ACAA2: variants seen among roughly 807,000 people sequenced by gnomAD.
The protein encoded by ACAA2 is acetyl-CoA acyltransferase 2.
A neutral mutation model predicts 44.8 loss-of-function variants in ACAA2; 35 were observed. That is an observed-to-expected ratio of 0.78 (90% CI 0.60 to 1.04). The LOEUF (loss-of-function observed/expected upper bound fraction) is 1.04, where lower values mean the gene tolerates loss of function less well. Among genes scored for constraint, ACAA2 ranks in the 50% least tolerant of loss-of-function variants. The pLI is 0.00. For synonymous variants in ACAA2, 142 were observed against 166.5 expected (o/e 0.85, Z 1.13); for missense variants, 468 against 482.6 (o/e 0.97, Z 0.28).
intron 1 of ACAA2, among the ~76,000 whole-genome samples, chr18:49,810,163 A>G (rs1417810159): frequency 1.3e-5 from 2 of 152,208 alleles, no homozygotes; most frequent in Non-Finnish European, 2.9e-5. Context: ...AGAAATAATA[A>G]AGAAGAAATT....
At chr18:49,807,076 A>C (rs2143979031) in intron 1 of ACAA2, among the ~76,000 whole-genome samples, 1 of 152,314 alleles carries the variant, frequency 6.6e-6, no homozygotes. Context: ...TACCAAACAA[A>C]ATGAATCCAG....
chr18:49,813,458 G>A lies in ACAA2; in HGVS notation c.16+11C>T. On this transcript the variant is annotated intron_variant, in intron 1 of 9. Transcript: ENST00000285093. ...CGAGGGGCGAGGAGAGGAGGAGGGG[G>A]CTGCGCTCACCTCGGAGCAGAGCCA... 8.1e-7 allele frequency: 1 copy of A among 1,241,730 alleles called. No individual in the cohort carries two copies. Among genetic ancestry groups the A allele is most frequent in the East Asian group, 3.2e-5 (1 of 31,678 alleles). The allele number at this position is 1,241,730 out of a possible 1,614,324, so 76.9% of individuals were successfully genotyped here.
Position 49,785,238 on chromosome 18 carries a change from T to A in ACAA2, c.1068A>T (p.Gly356=). Reference sequence around the variant, plus strand: ...GGTGTGCAGTAATTCTTGATCCAGATCCTCCCAGTGGGTGACCCAAAGCAA... The same window carrying A: ...GGTGTGCAGTAATTCTTGATCCAGAACCTCCCAGTGGGTGACCCAAAGCAA... The part of the protein sequence containing the change: ...GAIALGHPLG[G]SGSRITAHLV... The change falls in exon 9 of 10, where the codon GGA becomes GGT. Residue 356 remains glycine (G), a synonymous_variant. Transcript: ENST00000285093. 6.2e-7 allele frequency: 1 copy of A among 1,614,100 alleles called. No homozygotes were observed. Among genetic ancestry groups the A allele is most frequent in the Non-Finnish European group, 8.5e-7 (1 of 1,180,014 alleles).
chr18:49,812,107 T>C (rs2143987336), intron 1 of ACAA2, among the ~76,000 whole-genome samples: 1 of 152,374 alleles, frequency 6.6e-6, no homozygotes, highest in East Asian at 1.9e-4. Context: ...CGCTGCTTTA[T>C]GAAGTAAATG....
intron 1 of ACAA2, 43 bp from the exon 2 acceptor site, chr18:49,802,896 A>T (rs752472856): frequency 1.3e-6 from 2 of 1,582,436 alleles, no homozygotes; most frequent in East Asian, 4.5e-5. Flanking sequence ...ACAGGTTAGT[A>T]AATACCTCTA....
chr18:49,794,425 C>T lies in ACAA2; in HGVS notation c.432G>A (p.Leu144=), dbSNP rs375055558. ...TTAATGATACCCATAAAGAATCTTC[C>T]AGCTATTAAAAGACATTAATAAAGT... is the stretch of plus-strand genomic sequence containing the variant. ...FGTKLGSDIK[L]EDSLWVSLTD... The change falls in exon 5 of 10, where the codon CTG becomes CTA. Residue 144 remains leucine, a splice_region_variant and synonymous_variant. Coordinates refer to ENST00000285093, the MANE Select transcript of ACAA2 (RefSeq NM_006111.3). 31 of 1,581,478 alleles carry T rather than the reference C, an allele frequency of 2.0e-5. No individual in the cohort carries two copies. The Middle Eastern group carries it at 9.3e-4, about 48-fold the overall frequency.
rs2023278425 is a variant in ACAA2, at chr18:49,782,547, C to CTCAA, written c.*1299_*1300insTTGA. ...TGGGTGACAGAGCAAGATGCTATCT[C>CTCAA]AAAAAAAAAAAAAAAAGGCCGGGTG... On this transcript the variant is annotated 3_prime_UTR_variant, in exon 10 of 10. Coordinates refer to ENST00000285093, the MANE Select transcript of ACAA2 (RefSeq NM_006111.3). The CTCAA allele has an allele frequency of 2.4e-5, 3 of 124,886 alleles. No individual in the cohort carries two copies. Among genetic ancestry groups the CTCAA allele is most frequent in the African/African-American group, 6.1e-5 (2 of 32,938 alleles). The allele number at this position is 124,886 out of a possible 1,614,324, so 7.7% of individuals were successfully genotyped here.
At chr18:49,798,335 A>T (rs577263884) in intron 2 of ACAA2, among the ~76,000 whole-genome samples, 13 of 152,290 alleles carry the variant, frequency 8.5e-5, no homozygotes, top group African/African-American at 3.1e-4. Context: ...TAAAATGCAT[A>T]TGGGGGCGTC....
At chr18:49,793,287 C>T (rs2023427379) in intron 5 of ACAA2, among the ~76,000 whole-genome samples, 1 of 152,188 alleles carries the variant, frequency 6.6e-6, no homozygotes, top group Non-Finnish European at 1.5e-5. Flanking sequence ...AGGAATAATA[C>T]TAACCTTAAT....
chr18:49,800,143 CGGCCGGCCAGCCACCCCG>C (rs2023524022), intron 2 of ACAA2, among the ~76,000 whole-genome samples: 1 of 32,146 alleles, frequency 3.1e-5, no homozygotes, highest in East Asian at 7.9e-4. Flanking sequence ...GGTCAGCCCC[CGGCCGGCCAGCCACCCCG>C]TCTGGGAGGG....
intron 7 of ACAA2, among the ~76,000 whole-genome samples, chr18:49,790,955 AT>A (rs1382727745): frequency 6.6e-6 from 1 of 152,172 alleles, no homozygotes; most frequent in East Asian, 1.9e-4. Context: ...TCACTTACTG[AT>A]TTGGAACCTT....
intron 9 of ACAA2, 114 bp from the exon 10 acceptor site, chr18:49,784,045 C>A: frequency 2.4e-6 from 2 of 834,224 alleles, no homozygotes; most frequent in East Asian, 2.7e-5. Context: ...TCTGCTCAAT[C>A]TTTTCCCCAG....
At chr18:49,803,658 A>G (rs1352231106) in intron 1 of ACAA2, among the ~76,000 whole-genome samples, 1 of 152,222 alleles carries the variant, frequency 6.6e-6, no homozygotes, top group African/African-American at 2.4e-5. Flanking sequence ...TGCTAGAAAC[A>G]TATGTTGAGA....
intron 7 of ACAA2, among the ~76,000 whole-genome samples, chr18:49,790,844 TGAGC>T (rs2023389615): frequency 6.6e-6 from 1 of 152,248 alleles, no homozygotes; most frequent in Non-Finnish European, 1.5e-5. Context: ...AATACTCACC[TGAGC>T]AAGAGGAATA....
chr18:49,799,441 T>C (rs1598798169), intron 2 of ACAA2, among the ~76,000 whole-genome samples: 1 of 152,196 alleles, frequency 6.6e-6, no homozygotes, highest in South Asian at 2.1e-4. Context: ...GGTCTCCAGC[T>C]CCTAACCGCG....
At chr18:49,795,569 G>C (rs567339002) in intron 4 of ACAA2, among the ~76,000 whole-genome samples, 196 bp downstream of exon 4, 1 of 152,040 alleles carries the variant, frequency 6.6e-6, no homozygotes, top group East Asian at 1.9e-4. Context: ...ATTTCATATG[G>C]GTTAAAATGT....
At chr18:49,792,398 C>T (rs2023414092) in intron 5 of ACAA2, 71 bp from the exon 6 acceptor site, 2 of 1,322,654 alleles carry the variant, frequency 1.5e-6, no homozygotes, top group South Asian at 2.8e-5. Flanking sequence ...ACATATTATT[C>T]AATTTAATTT....
intron 1 of ACAA2, among the ~76,000 whole-genome samples, chr18:49,804,085 A>T: frequency 6.6e-6 from 1 of 151,826 alleles, no homozygotes; most frequent in Admixed American, 6.6e-5. Flanking sequence ...TAATTTTTGT[A>T]TTTTTAGTAG....
rs569770594 is a variant in ACAA2, at chr18:49,790,308, T to G, written c.883+1162A>C. Among the ~76,000 whole-genome samples the G allele has an allele frequency of 5.3e-5, 8 of 152,324 alleles. No homozygotes were observed. In the East Asian group the frequency reaches 1.4e-3, roughly 26 times the overall value. ...CATGCCAGCTTTTTTTCTTAGGAAC[T>G]CTATACAGAGATATGTCTTCTCTGA... On this transcript the variant is annotated intron_variant, in intron 7 of 9. Coordinates refer to ENST00000285093, the MANE Select transcript of ACAA2 (RefSeq NM_006111.3).
Sources: gnomAD v4.1 joint callset for allele counts (sites outside exome capture counted in the v4.1 genomes callset) on GRCh38, gnomAD v4.1.1 for gene constraint, MANE v1.5 for transcripts, NCBI Gene and HGNC (gene_info 2026-07-23, HGNC 2026-07-21) for gene names.